Variants in RHBDD1 observed in about 807,000 individuals in gnomAD.
The protein encoded by RHBDD1 is rhomboid-related protein 4.
Under a neutral mutation model 36.3 loss-of-function variants are expected in RHBDD1, and 38 were observed. The ratio of observed to expected loss-of-function variants is 1.05; its 90% CI spans 0.81 to 1.37. RHBDD1 has a LOEUF of 1.37. Ranked by LOEUF, RHBDD1 falls within the 40% of genes most tolerant of loss-of-function variation. RHBDD1 has a pLI of 0.00. For missense variants in RHBDD1, 393 were observed against 377.6 expected, an observed-to-expected ratio of 1.04 and a Z score of -0.34; for synonymous variants, 151 against 136.5, an observed-to-expected ratio of 1.11 and a Z score of -0.74.
At chr2:226,978,769 C>T (rs1481110456) in intron 8 of RHBDD1, among the ~76,000 whole-genome samples, 2 of 152,118 alleles carry the variant, frequency 1.3e-5, no homozygotes, top group African/African-American at 2.4e-5. Flanking sequence ...GCAAAGGACC[C>T]TCACTGGGGG....
intron 8 of RHBDD1, among the ~76,000 whole-genome samples, chr2:226,988,136 G>A (rs2149524922): frequency 6.6e-6 from 1 of 152,270 alleles, no homozygotes; most frequent in East Asian, 1.9e-4. Context: ...TGAGCTCAGT[G>A]TATTATCATT....
intron 8 of RHBDD1, among the ~76,000 whole-genome samples, chr2:226,917,086 G>A (rs1205176326): frequency 2.6e-5 from 4 of 151,944 alleles, no homozygotes; most frequent in Non-Finnish European, 5.9e-5. Flanking sequence ...TTTCCTTAAT[G>A]AAGAATATAT....
At chr2:226,894,410 A>G (rs954490197) in intron 5 of RHBDD1, among the ~76,000 whole-genome samples, 5 of 152,012 alleles carry the variant, frequency 3.3e-5, no homozygotes, top group African/African-American at 9.7e-5. Flanking sequence ...GCTGAGATTT[A>G]CAGGCGTGCA....
upstream of RHBDD1, chr2:226,835,807 A>G (rs1940889703): frequency 6.6e-6 from 1 of 152,296 alleles, no homozygotes; most frequent in South Asian, 2.1e-4. Flanking sequence ...CATGGAGCTT[A>G]GAGGACAGGG....
At chr2:226,957,077 A>T (rs982905544) in intron 8 of RHBDD1, among the ~76,000 whole-genome samples, 3 of 152,220 alleles carry the variant, frequency 2.0e-5, no homozygotes, top group African/African-American at 7.2e-5. Context: ...AATCGATTCT[A>T]TATTCATTTT....
At chr2:226,907,953 T>G (rs73085850) in intron 6 of RHBDD1, among the ~76,000 whole-genome samples, 2,388 of 152,312 alleles carry the variant, frequency 0.016, 54 homozygotes, top group African/African-American at 0.055. Context: ...CTTTTTTCTG[T>G]GTCTCATGAT....
At chr2:226,967,577 G>A (rs1952742771) in intron 8 of RHBDD1, among the ~76,000 whole-genome samples, 1 of 129,892 alleles carries the variant, frequency 7.7e-6, no homozygotes, top group African/African-American at 3.0e-5. Flanking sequence ...ATGGCTTTTT[G>A]GCCTTCATGA....
At chr2:226,945,957 G>A (rs12359565) in intron 8 of RHBDD1, among the ~76,000 whole-genome samples, 4 of 152,106 alleles carry the variant, frequency 2.6e-5, no homozygotes, top group Middle Eastern at 3.4e-3. Context: ...GTCTTCTTTC[G>A]AGAAGTGTCT....
At chr2:226,957,571 A>C (rs74940268) in intron 8 of RHBDD1, among the ~76,000 whole-genome samples, 1 of 38,366 alleles carries the variant, frequency 2.6e-5, no homozygotes, top group South Asian at 1.2e-3. Context: ...GCCCCCACCC[A>C]AAAAAAAAAG....
intron 8 of RHBDD1, among the ~76,000 whole-genome samples, chr2:226,977,007 C>T (rs1416429335): frequency 1.3e-5 from 2 of 152,216 alleles, no homozygotes; most frequent in Admixed American, 6.5e-5. Flanking sequence ...ACTCGGGTTC[C>T]TGGTTTACCC....
chr2:226,915,521 G>T (rs374513223), intron 8 of RHBDD1, among the ~76,000 whole-genome samples: 2 of 152,306 alleles, frequency 1.3e-5, no homozygotes, highest in African/African-American at 4.8e-5. Flanking sequence ...TCTGTTAAAA[G>T]AATCTGGTAG....
intron 5 of RHBDD1, among the ~76,000 whole-genome samples, chr2:226,868,086 T>A (rs1046492909): frequency 6.6e-6 from 1 of 152,234 alleles, no homozygotes; most frequent in Non-Finnish European, 1.5e-5. Flanking sequence ...CAAAAGGCTT[T>A]ACTTAACACT....
At chr2:226,828,574 C>T in the RHBDD1 span, among the ~76,000 whole-genome samples, 6 of 152,170 alleles carry the variant, frequency 3.9e-5, no homozygotes, top group Non-Finnish European at 7.4e-5. Context: ...CATTCTTGCC[C>T]TAATTCCATC....
At chr2:226,957,102 TG>T (rs1198634038) in intron 8 of RHBDD1, among the ~76,000 whole-genome samples, 3 of 152,212 alleles carry the variant, frequency 2.0e-5, no homozygotes, top group Non-Finnish European at 4.4e-5. Flanking sequence ...ATACTGCCCA[TG>T]GGGGCAGAAA....
intron 3 of RHBDD1, among the ~76,000 whole-genome samples, chr2:226,858,598 A>G (rs1943548707): frequency 1.3e-5 from 2 of 152,216 alleles, no homozygotes; most frequent in African/African-American, 4.8e-5. Context: ...AATGATAATG[A>G]TGAAATATTT....
chr2:226,905,717 T>A, intron 5 of RHBDD1, among the ~76,000 whole-genome samples: 1 of 152,172 alleles, frequency 6.6e-6, no homozygotes, highest in East Asian at 1.9e-4. Flanking sequence ...CACACATTCA[T>A]CTGGGGTTCA....
chr2:226,823,140 C>G, the RHBDD1 span, among the ~76,000 whole-genome samples: 1 of 151,972 alleles, frequency 6.6e-6, no homozygotes, highest in East Asian at 1.9e-4. Context: ...ATAAAAGAAC[C>G]CTGAGGGGGC....
intron 8 of RHBDD1, among the ~76,000 whole-genome samples, chr2:226,955,771 C>T (rs990037629): frequency 1.3e-5 from 2 of 152,204 alleles, no homozygotes; most frequent in Non-Finnish European, 2.9e-5. Context: ...CCTGGAGCCT[C>T]TCCCTCTGCT....
chr2:226,865,104 G>C lies in RHBDD1; in HGVS notation c.411G>C (p.Arg137Ser). Residue 137 changes from arginine (R) to serine (S), a missense_variant, in exon 4 of 9, where the codon AGG (arginine) becomes AGC (serine). Arg to Ser is a moderately radical substitution (Grantham distance 110). Transcript: ENST00000392062. ...TTATGGATGAACCTGACTTCAAAAG[G>C]AGCTGTGCTGTAGGTTTCTCAGGTA... is the stretch of plus-strand genomic sequence containing the variant. ...AEFMDEPDFK[R>S]SCAVGFSGVL... 1 of 1,613,548 alleles carries C rather than the reference G, an allele frequency of 6.2e-7. No individual in the cohort carries two copies.
Sources: gnomAD v4.1 joint callset for allele counts (sites outside exome capture counted in the v4.1 genomes callset) on GRCh38, gnomAD v4.1.1 for gene constraint, MANE v1.5 for transcripts, NCBI Gene and HGNC (gene_info 2026-07-23, HGNC 2026-07-21) for gene names.